The following DIP2A variants were observed in gnomAD, a reference collection of about 807,000 sequenced individuals.
DIP2A encodes the protein DIP2 acetate--CoA ligase A.
A neutral mutation model predicts 177.4 loss-of-function variants in DIP2A; 85 were observed. The ratio of observed to expected loss-of-function variants is 0.48; its 90% confidence interval spans 0.40 to 0.57. DIP2A has a LOEUF of 0.57. Ranked by LOEUF, DIP2A falls within the 20% of genes least tolerant of loss-of-function variation. DIP2A has a pLI of 0.00. For missense variants in DIP2A, 1,791 were observed against 2,100.2 expected, an observed-to-expected ratio of 0.85 and a Z score of 2.88; for synonymous variants, 886 against 881.8, an observed-to-expected ratio of 1.00 and a Z score of -0.08.
At chr21:46,525,620 GCTC>G (rs58428452) in intron 8 of DIP2A, 28,998 of 151,928 alleles carry the variant, frequency 0.19, 3,204 homozygotes, top group East Asian at 0.42. Context: ...TATCTTACAT[GCTC>G]ACTTTGGCAG....
intron 21 of DIP2A, 21 bp from the exon 22 acceptor site, chr21:46,549,750 T>C: frequency 6.2e-7 from 1 of 1,612,892 alleles, no homozygotes; most frequent in Non-Finnish European, 8.5e-7. Flanking sequence ...CGTGTGGCCA[T>C]TTCCATGTCT....
At chr21:46,529,010 G>A (rs765666307) in intron 8 of DIP2A, 82 bp from the exon 9 acceptor site, 39 of 772,786 alleles carry the variant, frequency 5.0e-5, no homozygotes, top group Non-Finnish European at 6.8e-5. Context: ...GGTATATTTC[G>A]GGGTATTTTG....
At chr21:46,495,928 C>T (rs1020172928) in intron 3 of DIP2A, among the ~76,000 whole-genome samples, 6 of 151,862 alleles carry the variant, frequency 4.0e-5, no homozygotes, top group Non-Finnish European at 7.4e-5. Flanking sequence ...AAAAATTAGC[C>T]GGGCGTGGTG....
At chr21:46,525,879 ATTATTATTATTATTATT>A in intron 8 of DIP2A, among the ~76,000 whole-genome samples, 1 of 57,446 alleles carries the variant, frequency 1.7e-5, no homozygotes, top group East Asian at 1.1e-3. Flanking sequence ...TATTATTATT[ATTATTATTATTATTATT>A]ATTATTATTA....
intron 3 of DIP2A, among the ~76,000 whole-genome samples, chr21:46,492,110 T>G (rs778853486): frequency 1.3e-5 from 2 of 152,162 alleles, no homozygotes; most frequent in South Asian, 2.1e-4. Flanking sequence ...TAGTTTTAGG[T>G]TTTTTAGTGC....
intron 8 of DIP2A, among the ~76,000 whole-genome samples, chr21:46,528,500 A>G (rs1170340792): frequency 8.2e-6 from 1 of 121,846 alleles, no homozygotes; most frequent in Non-Finnish European, 1.6e-5. Flanking sequence ...ATACATATGT[A>G]TACCAAATAC....
At chr21:46,539,820 C>T in intron 16 of DIP2A, 57 bp from the exon 17 acceptor site, 2 of 1,397,816 alleles carry the variant, frequency 1.4e-6, no homozygotes, top group Non-Finnish European at 2.0e-6. Context: ...TCCAGCCACC[C>T]CTTCCCTGCT....
At chr21:46,478,343 G>T (rs1387648685) in intron 1 of DIP2A, among the ~76,000 whole-genome samples, 14 of 152,046 alleles carry the variant, frequency 9.2e-5, no homozygotes, top group Admixed American at 9.2e-4. Flanking sequence ...CTCCCGAGTA[G>T]CTGGGATTAC....
At chr21:46,476,739 C>A (rs1346657098) in intron 1 of DIP2A, among the ~76,000 whole-genome samples, 3 of 151,354 alleles carry the variant, frequency 2.0e-5, no homozygotes, top group Non-Finnish European at 4.4e-5. Flanking sequence ...TCACTGCAAC[C>A]TCCACGTCCT....
chr21:46,550,432 C>A, intron 22 of DIP2A, 111 bp from the exon 23 acceptor site: 1 of 1,023,724 alleles, frequency 9.8e-7, no homozygotes, highest in Non-Finnish European at 1.4e-6. Context: ...GAGGGCATTC[C>A]ATTTCCTGGC....
In DIP2A at chr21:46,560,749, G is replaced by A. The variant is rs1389706494; in HGVS notation, c.3997G>A (p.Val1333Ile). 6.2e-6 allele frequency: 10 copies of A among 1,609,380 alleles called. No homozygotes were observed. Among genetic ancestry groups the A allele is most frequent in the Admixed American group, 3.4e-5 (2 of 59,474 alleles). The stretch of plus-strand genomic sequence containing the variant: ...CACAGCTGGCCCGGACCCCACAACC[G>A]TCTACGTGGACATGCGGGCACTGCG... Reference protein sequence around the residue: ...QGTAGPDPTTVYVDMRALRHD... With the variant: ...QGTAGPDPTTIYVDMRALRHD... The change falls in exon 33 of 38, where the codon GTC (valine) becomes ATC (isoleucine). Residue 1333 changes from valine (V) to isoleucine (I), a missense_variant. Coordinates refer to ENST00000417564, the MANE Select transcript of DIP2A (RefSeq NM_015151.4).
chr21:46,507,971 CAA>C (rs2058104105), intron 6 of DIP2A, among the ~76,000 whole-genome samples: 1 of 151,840 alleles, frequency 6.6e-6, no homozygotes, highest in African/African-American at 2.4e-5. Flanking sequence ...GTCTAGAACT[CAA>C]GTGATCTGCC....
intron 6 of DIP2A, among the ~76,000 whole-genome samples, chr21:46,506,693 T>G (rs2058001449): frequency 6.7e-6 from 1 of 149,068 alleles, no homozygotes; most frequent in Admixed American, 6.8e-5. Flanking sequence ...GTTCATACTT[T>G]TGGCCTATTT....
rs1421194039 is a variant in DIP2A, at chr21:46,557,026, G to A, written c.3586G>A (p.Asp1196Asn). Reference sequence around the variant, plus strand: ...CTCGCGGCAGATCGCCATCTGCCTCGACCCCTACTGTGGCCTTGGTTTTGC... The same window carrying A: ...CTCGCGGCAGATCGCCATCTGCCTCAACCCCTACTGTGGCCTTGGTTTTGC... ...YPSRQIAICL[D>N]PYCGLGFALW... Residue 1196 changes from aspartate (D) to asparagine (N), a missense_variant, in exon 30 of 38, where the codon GAC becomes AAC. Physicochemically the swap from Asp to Asn is conservative, Grantham distance 23. Coordinates refer to ENST00000417564, the MANE Select transcript of DIP2A (RefSeq NM_015151.4). This position sits in a 1 kb window ranked among gnomAD's most constrained non-coding sequence, Gnocchi z 6.0. 17 of 1,603,984 alleles carry A rather than the reference G, an allele frequency of 1.1e-5. No homozygotes were observed. The highest frequency in any genetic ancestry group is 1.4e-5 in the Non-Finnish European group (17 of 1,175,522).
chr21:46,570,315 C>A (rs959023212), downstream of DIP2A, among the ~76,000 whole-genome samples: 8 of 115,756 alleles, frequency 6.9e-5, no homozygotes, highest in Non-Finnish European at 5.2e-5. Context: ...TGGCAATGGA[C>A]ATGTGCTCAA....
chr21:46,560,714 C>A lies in DIP2A; in HGVS notation c.3970-8C>A. ...TGAACAGAAGTTCCTCTGCTGCTCT[C>A]CTTCCAGGGCACAGCTGGCCCGGAC... On this transcript the variant is annotated splice_region_variant and splice_polypyrimidine_tract_variant and intron_variant, in intron 32 of 37. Transcript: ENST00000417564. 6.2e-7 allele frequency: 1 copy of A among 1,605,554 alleles called. No individual in the cohort carries two copies. Among genetic ancestry groups the A allele is most frequent in the South Asian group, 1.1e-5 (1 of 89,290 alleles).
intron 8 of DIP2A, among the ~76,000 whole-genome samples, chr21:46,512,953 C>T (rs2058380757): frequency 6.6e-6 from 1 of 152,104 alleles, no homozygotes; most frequent in Non-Finnish European, 1.5e-5. Flanking sequence ...AGCCACTGCA[C>T]CTGGCCTCTT....
Position 46,533,643 on chromosome 21 carries a change from C to G in DIP2A, c.1425C>G (p.Phe475Leu). The G allele has an allele frequency of 6.2e-7, 1 of 1,614,008 alleles. No homozygotes were observed. Among genetic ancestry groups the G allele is most frequent in the Non-Finnish European group, 8.5e-7 (1 of 1,179,884 alleles). ...CACAGACAGGAGAGGTGGCAGCTTT[C>G]AAAGGTGAGGCCTCCCAAGGGAAGG... ...PKAQTGEVAA[F>L]KGWPPLSWLV... The change falls in exon 11 of 38, where the codon TTC (phenylalanine) becomes TTG (leucine). Residue 475 changes from phenylalanine (F) to leucine (L), a missense_variant. Physicochemically the swap from Phe to Leu is conservative, Grantham distance 22. Coordinates refer to ENST00000417564, the MANE Select transcript of DIP2A (RefSeq NM_015151.4).
At position 46,524,872 on chromosome 21, in the gene DIP2A, C is replaced by CT. The variant is rs3061062; in HGVS notation, c.1103-4188dup. ...TTTCTTTTATGATTTTTGCTTTTTG[C>CT]TTTTTTTTTTTTTTTTTTTTTTTTT... On this transcript the variant is annotated intron_variant, in intron 8 of 37. Coordinates refer to ENST00000417564, the MANE Select transcript of DIP2A (RefSeq NM_015151.4). 6.5e-3 allele frequency among the ~76,000 whole-genome samples: 411 copies of CT among 63,316 alleles called. 29 individuals carry two copies. The highest frequency in any genetic ancestry group is 7.6e-3 in the Non-Finnish European group (270 of 35,330). 41.5% of individuals were successfully genotyped at this position (63,316 alleles called of 152,430 possible).
Sources: gnomAD v4.1 joint callset for allele counts (sites outside exome capture counted in the v4.1 genomes callset) on GRCh38, gnomAD v4.1.1 for gene constraint, Gnocchi (gnomAD v3.1) non-coding constraint, MANE v1.5 for transcripts, NCBI Gene and HGNC (gene_info 2026-07-23, HGNC 2026-07-21) for gene names.